The following ITPR1 variants were observed in gnomAD, a reference collection of about 807,000 sequenced individuals.
ITPR1 encodes inositol 1,4,5-trisphosphate-gated calcium channel ITPR1.
Under a neutral mutation model 318.4 loss-of-function variants are expected in ITPR1, and 96 were observed. That is an observed-to-expected ratio of 0.30 (90% CI 0.26 to 0.36). The LOEUF is 0.36. ITPR1 is among the 10% of genes least tolerant of loss of function. The pLI is 1.00. For synonymous variants in ITPR1, 1,312 were observed against 1,289.9 expected, an observed-to-expected ratio of 1.02 and a Z score of -0.37; for missense variants, 2,440 against 3,460.2, an observed-to-expected ratio of 0.71 and a Z score of 7.40.
chr3:4,535,635 C>T (rs369069516), intron 4 of ITPR1, among the ~76,000 whole-genome samples: 22 of 151,476 alleles, frequency 1.5e-4, no homozygotes, highest in Middle Eastern at 3.4e-3. Flanking sequence ...TTAGTAGAGA[C>T]GGGGTTTCAC....
chr3:4,634,160 A>G (rs2093104712), intron 5 of ITPR1, among the ~76,000 whole-genome samples: 1 of 152,120 alleles, frequency 6.6e-6, no homozygotes, highest in Non-Finnish European at 1.5e-5. Context: ...AGAGTAATAG[A>G]TATTTAAATT....
At chr3:4,631,037 C>A (rs2093000645) in intron 5 of ITPR1, among the ~76,000 whole-genome samples, 1 of 152,312 alleles carries the variant, frequency 6.6e-6, no homozygotes, top group Non-Finnish European at 1.5e-5. Context: ...CATGAAAGTG[C>A]ATTGTTACAA....
intron 43 of ITPR1, among the ~76,000 whole-genome samples, chr3:4,733,455 C>T (rs1329752452): frequency 1.3e-5 from 2 of 151,992 alleles, no homozygotes; most frequent in Non-Finnish European, 2.9e-5. Flanking sequence ...CTCCTCCTTC[C>T]CATGCAGTGA....
chr3:4,836,899 G>C lies in ITPR1; in HGVS notation c.8154G>C (p.Thr2718=), dbSNP rs368813104. The C allele has an allele frequency of 1.3e-6, 2 of 1,596,162 alleles. No homozygotes were observed. The highest frequency in any genetic ancestry group is 8.6e-7 in the Non-Finnish European group (1 of 1,167,242). Residue 2718 remains threonine, a synonymous_variant, in exon 61 of 62, where the codon ACG becomes ACC. Transcript: ENST00000649015. ...EKLESTMKLV[T]NLSGQLSELK... is the part of the protein sequence containing the mutation. ...TGGAGTCCACCATGAAACTTGTCAC[G>C]AACCTTTCTGGCCAGCTGTCGGAAT...
chr3:4,523,429 TA>T (rs2082719480), intron 4 of ITPR1, among the ~76,000 whole-genome samples: 1 of 50,964 alleles, frequency 2.0e-5, no homozygotes, highest in Non-Finnish European at 4.2e-5. Flanking sequence ...ACATGCTTAT[TA>T]TTTTTTTTGG....
At chr3:4,623,629 A>C (rs934047261) in intron 4 of ITPR1, among the ~76,000 whole-genome samples, 1 of 152,210 alleles carries the variant, frequency 6.6e-6, no homozygotes, top group African/African-American at 2.4e-5. Flanking sequence ...GCCCAGTGCA[A>C]GTTTAATTTT....
At chr3:4,616,956 C>T (rs1190780971) in intron 4 of ITPR1, among the ~76,000 whole-genome samples, 1 of 151,764 alleles carries the variant, frequency 6.6e-6, no homozygotes, top group African/African-American at 2.4e-5. Context: ...AGTGAAGAGT[C>T]GGTGTGCCTT....
chr3:4,538,488 C>T (rs534611270), intron 4 of ITPR1, among the ~76,000 whole-genome samples: 11 of 152,148 alleles, frequency 7.2e-5, no homozygotes, highest in Non-Finnish European at 1.3e-4. Flanking sequence ...GACAGTGTGG[C>T]GATTCCTCAA....
At chr3:4,508,649 A>G (rs2081572886) in intron 2 of ITPR1, among the ~76,000 whole-genome samples, 1 of 152,116 alleles carries the variant, frequency 6.6e-6, no homozygotes, top group Non-Finnish European at 1.5e-5. Flanking sequence ...AATTAAATGA[A>G]CATATTTCTT....
chr3:4,613,131 G>A (rs1407074005), intron 4 of ITPR1, among the ~76,000 whole-genome samples: 2 of 152,182 alleles, frequency 1.3e-5, no homozygotes, highest in African/African-American at 2.4e-5. Flanking sequence ...TAAGATGTAC[G>A]TTGGTTGGGT....
At chr3:4,806,797 AATGT>A (rs2048582727) in intron 55 of ITPR1, among the ~76,000 whole-genome samples, 1 of 152,064 alleles carries the variant, frequency 6.6e-6, no homozygotes, top group Non-Finnish European at 1.5e-5. Flanking sequence ...CCAAGTGCTT[AATGT>A]CTTGACAGTC....
intron 52 of ITPR1, among the ~76,000 whole-genome samples, chr3:4,789,551 A>G (rs2047419392): frequency 6.6e-6 from 1 of 152,192 alleles, no homozygotes. Context: ...TTTGTCCTTC[A>G]CTGGGATATT....
In ITPR1 at chr3:4,627,777, C is replaced by T. The variant is rs376974334; in HGVS notation, c.178C>T (p.Leu60=). 1.9e-6 allele frequency: 3 copies of T among 1,612,492 alleles called. No homozygotes were observed. In the African/African-American group the frequency reaches 4.0e-5, roughly 22 times the overall value. Reference sequence around the variant, plus strand: ...TTCACTTCTAGACTGCCTCTTTAAGCTATGTCCCATGAACCGCTACTCTGC... The same window carrying T: ...TTCACTTCTAGACTGCCTCTTTAAGTTATGTCCCATGAACCGCTACTCTGC... ...PKKFRDCLFK[L]CPMNRYSAQK... Residue 60 remains leucine (L), a synonymous_variant, in exon 5 of 62, where the codon CTA becomes TTA. Coordinates refer to ENST00000649015, the MANE Select transcript of ITPR1 (RefSeq NM_001378452.1).
intron 5 of ITPR1, among the ~76,000 whole-genome samples, chr3:4,628,622 A>G (rs1340026673): frequency 1.3e-5 from 2 of 152,024 alleles, no homozygotes; most frequent in Non-Finnish European, 2.9e-5. Flanking sequence ...GAGCTACTTC[A>G]TTTTCTCCCC....
chr3:4,698,196 A>G (rs2094589465), intron 34 of ITPR1, among the ~76,000 whole-genome samples: 1 of 152,226 alleles, frequency 6.6e-6, no homozygotes, highest in African/African-American at 2.4e-5. Flanking sequence ...TAATTGTCAG[A>G]TACATACCAG....
Position 4,710,249 on chromosome 3 carries a change from G to A in ITPR1, c.4843-76G>A, listed in dbSNP as rs2041253670. On this transcript the variant is annotated intron_variant, in intron 37 of 61. Coordinates refer to ENST00000649015, the MANE Select transcript of ITPR1 (RefSeq NM_001378452.1). This position sits in a 1 kb window ranked among gnomAD's most constrained non-coding sequence, Gnocchi z 4.2. ...CCTACCCGTGCATCAGTGTTTTAGGGCAGAAATCAATGTCCTCACCCTCCT... is the reference window on the plus strand; with the variant it reads ...CCTACCCGTGCATCAGTGTTTTAGGACAGAAATCAATGTCCTCACCCTCCT... 7.3e-7 allele frequency: 1 copy of A among 1,369,606 alleles called. No individual in the cohort carries two copies. Among genetic ancestry groups the A allele is most frequent in the African/African-American group, 1.5e-5 (1 of 68,300 alleles). 84.8% of individuals were successfully genotyped at this position (1,369,606 alleles called of 1,614,324 possible).
chr3:4,810,830 C>G (rs934569886), intron 55 of ITPR1, among the ~76,000 whole-genome samples: 1 of 152,180 alleles, frequency 6.6e-6, no homozygotes, highest in Non-Finnish European at 1.5e-5. Context: ...CTGACGCTGG[C>G]TTGTAGTACG....
chr3:4,720,293 G>A (rs1243690861), intron 40 of ITPR1, among the ~76,000 whole-genome samples: 1 of 152,182 alleles, frequency 6.6e-6, no homozygotes, highest in African/African-American at 2.4e-5. Context: ...CATTAGAAAG[G>A]AGAAGCTCAT....
chr3:4,645,861 C>A (rs2125160241), intron 10 of ITPR1, 133 bp downstream of exon 10: 3 of 767,856 alleles, frequency 3.9e-6, no homozygotes, highest in East Asian at 2.7e-5. Context: ...CATACACACA[C>A]CTACACACAC....
Sources: gnomAD v4.1 joint callset for allele counts (sites outside exome capture counted in the v4.1 genomes callset) on GRCh38, gnomAD v4.1.1 for gene constraint, Gnocchi (gnomAD v3.1) non-coding constraint, MANE v1.5 for transcripts, NCBI Gene and HGNC (gene_info 2026-07-23, HGNC 2026-07-21) for gene names.